Variants in FAM120A observed in about 807,000 individuals in gnomAD.
FAM120A encodes family with sequence similarity 120 member A.
In FAM120A, 15 loss-of-function variants were observed where a neutral mutation model predicts 109.7. The observed-to-expected ratio is 0.14, with a 90% CI of 0.09 to 0.21. The LOEUF (loss-of-function observed/expected upper bound fraction) is 0.21. FAM120A is among the 10% of genes least tolerant of loss of function. The probability of loss-of-function intolerance (pLI) is 1.00; values close to 1 mark genes in which losing one functional copy is unlikely to be tolerated. For missense variants in FAM120A, 899 were observed against 1,439.3 expected, an observed-to-expected ratio of 0.62 and a Z score of 6.07; for synonymous variants, 493 against 572.8, an observed-to-expected ratio of 0.86 and a Z score of 1.99.
At chr9:93,558,822 A>T in intron 15 of FAM120A, 104 bp downstream of exon 15, 1 of 1,342,648 alleles carries the variant, frequency 7.4e-7, no homozygotes. Context: ...CCCCTCCTCC[A>T]GCAGAACGGC....
In FAM120A at chr9:93,532,518, C is replaced by A. The variant is rs1172603050; in HGVS notation, c.1909+189C>A. 1 of 603,296 alleles carries A rather than the reference C, an allele frequency of 1.7e-6. No individual in the cohort carries two copies. Among genetic ancestry groups the A allele is most frequent in the African/African-American group, 1.9e-5 (1 of 53,876 alleles). 37.4% of individuals were successfully genotyped at this position (603,296 alleles called of 1,614,324 possible). On this transcript the variant is annotated intron_variant, in intron 10 of 17. Transcript: ENST00000277165. The surrounding 1 kb of genome is among the most constrained non-coding windows in gnomAD (Gnocchi z 4.3). ...AAAAGGAGGAGAAGCCACAGACTTT[C>A]TTCCTCAGTAACATTCCAATAATGA...
intron 3 of FAM120A, among the ~76,000 whole-genome samples, chr9:93,479,930 A>G (rs895742072): frequency 6.6e-6 from 1 of 152,270 alleles, no homozygotes; most frequent in African/African-American, 2.4e-5. Context: ...GCTCAGAAGC[A>G]CAAGGGAGAA....
At chr9:93,542,166 C>T (rs1287338408) in intron 10 of FAM120A, among the ~76,000 whole-genome samples, 1 of 152,136 alleles carries the variant, frequency 6.6e-6, no homozygotes, top group Non-Finnish European at 1.5e-5. Context: ...AGACACTGGC[C>T]TTGGAGTGGG....
intron 12 of FAM120A, among the ~76,000 whole-genome samples, chr9:93,552,664 A>G (rs958373244): frequency 6.6e-6 from 1 of 152,252 alleles, no homozygotes; most frequent in East Asian, 1.9e-4. Context: ...AAAAATTCCT[A>G]TGCAGAGCTG....
intron 1 of FAM120A, chr9:93,453,625 T>TGA (rs1467094165): frequency 1.0e-6 from 1 of 984,924 alleles, no homozygotes; most frequent in Non-Finnish European, 1.2e-6. Flanking sequence ...TTGCAATTGG[T>TGA]GAGATGGTGT....
At chr9:93,558,858 C>T in intron 15 of FAM120A, 140 bp downstream of exon 15, 1 of 901,288 alleles carries the variant, frequency 1.1e-6, no homozygotes, top group Non-Finnish European at 1.7e-6. Flanking sequence ...CCGCTCTGAC[C>T]CTCATTGACC....
Position 93,476,293 on chromosome 9 carries a change from T to A in FAM120A, c.759T>A (p.Phe253Leu). The change falls in exon 3 of 18, where the codon TTT becomes TTA. Residue 253 changes from phenylalanine (F) to leucine (L), a missense_variant. Coordinates refer to ENST00000277165, the MANE Select transcript of FAM120A (RefSeq NM_014612.5). ...TGCCTGATGAAGATCTGGCTTCCTTTCACTGGAGTTTACTTGGTCCAGAAC... is the reference window on the plus strand; with the variant it reads ...TGCCTGATGAAGATCTGGCTTCCTTACACTGGAGTTTACTTGGTCCAGAAC... ...HILPDEDLAS[F>L]HWSLLGPEHP... 2 of 1,610,756 alleles carry A rather than the reference T, an allele frequency of 1.2e-6. No individual in the cohort carries two copies. The highest frequency in any genetic ancestry group is 1.7e-6 in the Non-Finnish European group (2 of 1,177,010).
chr9:93,557,551 G>A (rs147685604), intron 13 of FAM120A, among the ~76,000 whole-genome samples: 8 of 152,328 alleles, frequency 5.3e-5, no homozygotes, highest in African/African-American at 9.6e-5. Flanking sequence ...GAAGGCAAGC[G>A]TTGTCTTGTT....
chr9:93,495,554 A>G (rs1375706575), intron 3 of FAM120A, among the ~76,000 whole-genome samples: 1 of 152,250 alleles, frequency 6.6e-6, no homozygotes, highest in Non-Finnish European at 1.5e-5. Context: ...AGTACATGTA[A>G]TAGAAATGTT....
intron 3 of FAM120A, among the ~76,000 whole-genome samples, chr9:93,482,801 T>C (rs1181960216): frequency 1.3e-5 from 2 of 152,162 alleles, no homozygotes; most frequent in Non-Finnish European, 2.9e-5. Context: ...GTCCTCTCTC[T>C]TGGGCTTCCC....
At chr9:93,555,353 T>C (rs1862253468) in intron 12 of FAM120A, among the ~76,000 whole-genome samples, 1 of 152,204 alleles carries the variant, frequency 6.6e-6, no homozygotes, top group Non-Finnish European at 1.5e-5. Context: ...ACAGTGTTAG[T>C]TGATAATAGG....
At chr9:93,563,752 C>T (rs1862547698) in intron 17 of FAM120A, among the ~76,000 whole-genome samples, 1 of 152,192 alleles carries the variant, frequency 6.6e-6, no homozygotes, top group Non-Finnish European at 1.5e-5. Flanking sequence ...ATTTCACAAA[C>T]ACGTGGCAAT....
At chr9:93,524,163 T>A (rs1315381871) in intron 7 of FAM120A, among the ~76,000 whole-genome samples, 1 of 152,248 alleles carries the variant, frequency 6.6e-6, no homozygotes, top group Non-Finnish European at 1.5e-5. Context: ...TGCTGTGAAT[T>A]TGATCTTTTC....
chr9:93,541,432 T>C (rs1000192783), intron 10 of FAM120A, among the ~76,000 whole-genome samples: 4 of 151,960 alleles, frequency 2.6e-5, no homozygotes, highest in African/African-American at 9.7e-5. Flanking sequence ...AGGATCGGGG[T>C]GGGGGCAGTG....
Position 93,532,420 on chromosome 9 carries a change from T to C in FAM120A, c.1909+91T>C. The stretch of plus-strand genomic sequence containing the variant: ...AAGCCTTAGAAGAATCATGACTGAG[T>C]TGACCCCGAGTGCCTCTGTGTAAAG... On this transcript the variant is annotated intron_variant, in intron 10 of 17. Coordinates refer to ENST00000277165, the MANE Select transcript of FAM120A (RefSeq NM_014612.5). This position sits in a 1 kb window ranked among gnomAD's most constrained non-coding sequence, Gnocchi z 4.3. 6.8e-7 allele frequency: 1 copy of C among 1,469,260 alleles called. No homozygotes were observed. The highest frequency in any genetic ancestry group is 9.5e-7 in the Non-Finnish European group (1 of 1,052,278). 91.0% of individuals were successfully genotyped at this position (1,469,260 alleles called of 1,614,324 possible).
At chr9:93,541,225 G>C (rs535228168) in intron 10 of FAM120A, among the ~76,000 whole-genome samples, 23 of 152,236 alleles carry the variant, frequency 1.5e-4, no homozygotes, top group Admixed American at 9.2e-4. Context: ...GCATATTGGC[G>C]AACAGCTCAT....
At position 93,452,932 on chromosome 9, in the gene FAM120A, G is replaced by A; in HGVS notation, c.474+543G>A. 2.1e-6 allele frequency: 3 copies of A among 1,415,756 alleles called. No individual in the cohort carries two copies. Among genetic ancestry groups the A allele is most frequent in the South Asian group, 3.1e-5 (2 of 64,996 alleles). The allele number at this position is 1,415,756 out of a possible 1,614,324, so 87.7% of individuals were successfully genotyped here. A position where few individuals can be genotyped will look rare whatever the true frequency, so the allele number is the denominator to read the frequency against. ...CCCGGTGACAGCGAGACGTGTCTAA[G>A]GGCCAGTGCCCTGGCCTCTACTTCA... On this transcript the variant is annotated intron_variant, in intron 1 of 17. Coordinates refer to ENST00000277165, the MANE Select transcript of FAM120A (RefSeq NM_014612.5). This position sits in a 1 kb window ranked among gnomAD's most constrained non-coding sequence, Gnocchi z 7.0.
chr9:93,485,860 C>G (rs183956393), intron 3 of FAM120A, among the ~76,000 whole-genome samples: 1 of 149,540 alleles, frequency 6.7e-6, no homozygotes, highest in Non-Finnish European at 1.5e-5. Context: ...TTTGCCTATT[C>G]TGGACATTTA....
intron 15 of FAM120A, among the ~76,000 whole-genome samples, chr9:93,560,197 A>C (rs1273190580): frequency 1.3e-5 from 2 of 152,070 alleles, no homozygotes; most frequent in African/African-American, 4.8e-5. Context: ...CAGGAGGCTG[A>C]GGCGGGAGGA....
Sources: allele counts gnomAD v4.1 joint callset (sites outside exome capture counted in the v4.1 genomes callset), GRCh38; gene constraint gnomAD v4.1.1; non-coding constraint Gnocchi (gnomAD v3.1); transcripts MANE v1.5; gene names NCBI Gene and HGNC (gene_info 2026-07-23, HGNC 2026-07-21).